ARHGAP42: variants seen among roughly 807,000 people sequenced by gnomAD.
ARHGAP42 encodes the protein rho GTPase-activating protein 42.
Under a neutral mutation model 125.0 loss-of-function variants are expected in ARHGAP42, and 63 were observed. That is an observed-to-expected ratio of 0.50 (90% CI 0.41 to 0.62). The LOEUF (loss-of-function observed/expected upper bound fraction) is 0.62. Among genes scored for constraint, ARHGAP42 ranks in the 20% least tolerant of loss-of-function variants. The pLI is 0.00. For missense variants in ARHGAP42, 766 were observed against 1,024.2 expected (o/e 0.75, Z 3.44); for synonymous variants, 339 against 351.0 (o/e 0.97, Z 0.38).
intron 3 of ARHGAP42, among the ~76,000 whole-genome samples, chr11:100,833,017 A>G (rs1213956241): frequency 6.6e-6 from 1 of 152,204 alleles, no homozygotes; most frequent in Non-Finnish European, 1.5e-5. Context: ...TATCCTGTAA[A>G]TACAGGCTTC....
At chr11:100,936,016 TGG>T (rs1440272999) in intron 7 of ARHGAP42, among the ~76,000 whole-genome samples, 185 bp from the exon 8 acceptor site, 12 of 151,806 alleles carry the variant, frequency 7.9e-5, no homozygotes, top group Admixed American at 1.3e-4. Flanking sequence ...CAGCTGCTTG[TGG>T]GGACTGAGGC....
rs563460 is a variant in ARHGAP42, at chr11:100,959,962, T to G, written c.1225+17T>G. ...AAACAAGAGGTCAGTGTTGCCTGAT[T>G]GGTACAGCATCCCTGTCATGTGTCT... On this transcript the variant is annotated intron_variant, in intron 13 of 23. Transcript: ENST00000298815. The G allele has an allele frequency of 1.2e-5, 19 of 1,548,546 alleles. No homozygotes were observed. In the East Asian group the frequency reaches 3.2e-4, roughly 26 times the overall value.
chr11:100,947,835 C>T (rs949534519), intron 10 of ARHGAP42, among the ~76,000 whole-genome samples: 1 of 151,944 alleles, frequency 6.6e-6, no homozygotes, highest in African/African-American at 2.4e-5. Context: ...ATCTTTTCCT[C>T]CATATGCTAG....
chr11:100,909,348 T>TC (rs1229706717), intron 4 of ARHGAP42, among the ~76,000 whole-genome samples: 1 of 149,506 alleles, frequency 6.7e-6, no homozygotes, highest in African/African-American at 2.4e-5. Context: ...CTTGTTTTTT[T>TC]TTTTTTTTCT....
intron 14 of ARHGAP42, among the ~76,000 whole-genome samples, 176 bp downstream of exon 14, chr11:100,961,165 G>A (rs77671233): frequency 0.018 from 2,687 of 152,142 alleles, 30 homozygotes; most frequent in Middle Eastern, 0.031. Flanking sequence ...ATTTGAGGGG[G>A]CATTTTTATA....
intron 1 of ARHGAP42, among the ~76,000 whole-genome samples, chr11:100,762,269 A>T (rs1224014369): frequency 6.6e-6 from 1 of 152,122 alleles, no homozygotes; most frequent in Non-Finnish European, 1.5e-5. Context: ...CCAAACAACC[A>T]TGTTGTTCTA....
At chr11:100,762,413 A>G (rs1430628176) in intron 1 of ARHGAP42, among the ~76,000 whole-genome samples, 3 of 152,144 alleles carry the variant, frequency 2.0e-5, no homozygotes, top group East Asian at 1.9e-4. Context: ...TCCCGTGGAC[A>G]TGCCCCTTGC....
In ARHGAP42 at chr11:100,890,192, G is replaced by A. The variant is rs186410927; in HGVS notation, c.385-23260G>A. Among the ~76,000 whole-genome samples the A allele has an allele frequency of 2.8e-3, 423 of 152,210 alleles. 2 individuals carry two copies. The highest frequency in any genetic ancestry group is 4.5e-3 in the Non-Finnish European group (305 of 68,016). On this transcript the variant is annotated intron_variant, in intron 4 of 23. Transcript: ENST00000298815. ...GCAGCCACATCTTTTGAAGGTCCACGTTTCTGCCTCTCGAGATGTCCCTCC... is the reference window on the plus strand; with the variant it reads ...GCAGCCACATCTTTTGAAGGTCCACATTTCTGCCTCTCGAGATGTCCCTCC...
chr11:100,757,958 A>G (rs995155424), intron 1 of ARHGAP42, among the ~76,000 whole-genome samples: 4 of 152,158 alleles, frequency 2.6e-5, no homozygotes, highest in African/African-American at 7.2e-5. Context: ...AATATTTCCA[A>G]TCTTTAAGAG....
chr11:100,865,824 T>C (rs546415845), intron 4 of ARHGAP42, among the ~76,000 whole-genome samples: 1 of 152,276 alleles, frequency 6.6e-6, no homozygotes, highest in East Asian at 1.9e-4. Context: ...ATTTTTCTGG[T>C]GAAGGATCTT....
At chr11:100,788,766 G>A (rs1310736767) in intron 2 of ARHGAP42, among the ~76,000 whole-genome samples, 1 of 152,218 alleles carries the variant, frequency 6.6e-6, no homozygotes, top group Admixed American at 6.5e-5. Context: ...TGCTGACATG[G>A]TATTTATTGT....
intron 7 of ARHGAP42, among the ~76,000 whole-genome samples, chr11:100,935,460 G>C (rs907421185): frequency 1.3e-5 from 2 of 151,968 alleles, no homozygotes; most frequent in African/African-American, 2.4e-5. Flanking sequence ...TTCTTGACTT[G>C]TTCTATGCCA....
intron 3 of ARHGAP42, among the ~76,000 whole-genome samples, chr11:100,841,108 T>G (rs1431989180): frequency 2.0e-5 from 3 of 152,148 alleles, no homozygotes; most frequent in African/African-American, 7.2e-5. Context: ...AACGAGGCAT[T>G]TACTTTATAA....
At chr11:100,865,951 C>A (rs933235113) in intron 4 of ARHGAP42, among the ~76,000 whole-genome samples, 3 of 152,148 alleles carry the variant, frequency 2.0e-5, no homozygotes, top group Non-Finnish European at 2.9e-5. Context: ...TTGACTCTTT[C>A]TTTCATGAAA....
At chr11:100,974,381 A>G (rs1277280052) in intron 18 of ARHGAP42, 78 bp from the exon 19 acceptor site, 46 of 1,360,262 alleles carry the variant, frequency 3.4e-5, no homozygotes, top group Non-Finnish European at 4.3e-5. Context: ...TAAGTAGCAT[A>G]TGGTTCAAAG....
chr11:100,948,606 C>A, intron 11 of ARHGAP42, 71 bp downstream of exon 11: 2 of 1,225,612 alleles, frequency 1.6e-6, no homozygotes, highest in South Asian at 1.4e-5. Context: ...AAATTCTTTT[C>A]ATAGTATACA....
At position 100,974,600 on chromosome 11, in the gene ARHGAP42, G is replaced by A. The variant is rs1158640944; in HGVS notation, c.1852G>A (p.Asp618Asn). 6.5e-7 allele frequency: 1 copy of A among 1,549,598 alleles called. No homozygotes were observed. The highest frequency in any genetic ancestry group is 1.4e-5 in the African/African-American group (1 of 73,074). Residue 618 changes from aspartate (D) to asparagine (N), a missense_variant, in exon 19 of 24, where the codon GAT becomes AAT. Coordinates refer to ENST00000298815, the MANE Select transcript of ARHGAP42 (RefSeq NM_152432.4). The stretch of plus-strand genomic sequence containing the variant: ...GTATACTCCATGCCTGGCCGAACCT[G>A]ATAGTAAGTGCACCCGGCCTTAGGG... ...GRYTPCLAEP[D>N]SDSYSSSPDS...
At chr11:100,796,758 CT>C (rs1391669115) in intron 3 of ARHGAP42, among the ~76,000 whole-genome samples, 1 of 137,080 alleles carries the variant, frequency 7.3e-6, no homozygotes, top group Non-Finnish European at 1.5e-5. Context: ...GTCCCTAACT[CT>C]TTTTAATTCT....
At chr11:100,766,222 G>GGTGTGTGTGTGTGT (rs145892062) in intron 1 of ARHGAP42, among the ~76,000 whole-genome samples, 13 of 149,186 alleles carry the variant, frequency 8.7e-5, no homozygotes, top group Non-Finnish European at 1.8e-4. Flanking sequence ...AAGGATGTGG[G>GGTGTGTGTGTGTGT]GTGTGTGTGT....
Sources: allele counts gnomAD v4.1 joint callset (sites outside exome capture counted in the v4.1 genomes callset), GRCh38; gene constraint gnomAD v4.1.1; transcripts MANE v1.5; gene names NCBI Gene and HGNC (gene_info 2026-07-23, HGNC 2026-07-21).